The following FBXO11 variants were observed in gnomAD, a reference collection of about 807,000 sequenced individuals.
FBXO11 encodes the protein F-box protein 11.
A neutral mutation model predicts 117.0 loss-of-function variants in FBXO11; 13 were observed. The observed-to-expected ratio is 0.11, with a 90% confidence interval of 0.07 to 0.18. The LOEUF (loss-of-function observed/expected upper bound fraction) is 0.18. Among genes scored for constraint, FBXO11 ranks in the 10% least tolerant of loss-of-function variants. FBXO11 has a pLI of 1.00. For synonymous variants in FBXO11, 490 were observed against 380.5 expected, an observed-to-expected ratio of 1.29 and a Z score of -3.35; for missense variants, 767 against 1,164.4, an observed-to-expected ratio of 0.66 and a Z score of 4.97.
chr2:47,839,899 C>G, intron 1 of FBXO11, 130 bp from the exon 2 acceptor site: 1 of 703,652 alleles, frequency 1.4e-6, no homozygotes, highest in East Asian at 2.8e-5. Context: ...TTCCAACCAA[C>G]TGGATAGCTA....
At chr2:47,847,835 C>G (rs1673537305) in intron 1 of FBXO11, among the ~76,000 whole-genome samples, 1 of 151,768 alleles carries the variant, frequency 6.6e-6, no homozygotes, top group Non-Finnish European at 1.5e-5. Context: ...TATAAAAACA[C>G]ACACATATGG....
In FBXO11 at chr2:47,904,924, G is replaced by C. The variant is rs576921932; in HGVS notation, c.232+565C>G. On this transcript the variant is annotated intron_variant, in intron 1 of 22. Transcript: ENST00000403359. Reference sequence around the variant, plus strand: ...GCTGCTCCCCCTACCCCGTGACCAGGGACGGGGGGGCGGGGGAAACAAGTT... The same window carrying C: ...GCTGCTCCCCCTACCCCGTGACCAGCGACGGGGGGGCGGGGGAAACAAGTT... Among the ~76,000 whole-genome samples the C allele has an allele frequency of 4.0e-3, 602 of 152,150 alleles. 2 individuals carry two copies. The highest frequency in any genetic ancestry group is 0.014 in the Middle Eastern group (4 of 294).
intron 11 of FBXO11, among the ~76,000 whole-genome samples, chr2:47,827,258 C>G (rs898673161): frequency 6.6e-6 from 1 of 152,120 alleles, no homozygotes; most frequent in South Asian, 2.1e-4. Flanking sequence ...TGCAAGAAAA[C>G]TTATTTTTAT....
At chr2:47,900,698 ACACACGTG>A (rs1678123754) in intron 1 of FBXO11, among the ~76,000 whole-genome samples, 1 of 107,700 alleles carries the variant, frequency 9.3e-6, no homozygotes, top group Non-Finnish European at 2.1e-5. Context: ...ACACGTATAC[ACACACGTG>A]TATATATATA....
rs530856859 is a variant in FBXO11, at chr2:47,843,072, G to A, written c.233-3303C>T. On this transcript the variant is annotated intron_variant, in intron 1 of 22. Coordinates refer to ENST00000403359, the MANE Select transcript of FBXO11 (RefSeq NM_001190274.2). ...AAAGTGATGAGATTATTATAGCTGT[G>A]AGTCAATGTGCCCAGCTTGTAAATT... Among the ~76,000 whole-genome samples, 6 of 152,268 alleles carry A rather than the reference G, an allele frequency of 3.9e-5. No individual in the cohort carries two copies. The South Asian group carries it at 8.3e-4, about 21-fold the overall frequency.
At chr2:47,898,158 T>C (rs531406212) in intron 1 of FBXO11, among the ~76,000 whole-genome samples, 1 of 152,352 alleles carries the variant, frequency 6.6e-6, no homozygotes, top group East Asian at 1.9e-4. Flanking sequence ...CATGCTATCT[T>C]ATTCGGGGTG....
chr2:47,818,907 T>A, intron 15 of FBXO11, 43 bp from the exon 16 acceptor site: 1 of 1,581,796 alleles, frequency 6.3e-7, no homozygotes, highest in Non-Finnish European at 8.5e-7. Context: ...AAGGGACAAG[T>A]ATTTACAAAA....
chr2:47,843,151 T>C (rs181534794), intron 1 of FBXO11, among the ~76,000 whole-genome samples: 73 of 152,314 alleles, frequency 4.8e-4, no homozygotes, highest in Non-Finnish European at 9.1e-4. Flanking sequence ...GCCTAGGCAT[T>C]TGTGGAACTC....
chr2:47,881,702 G>C (rs560551987), intron 1 of FBXO11, among the ~76,000 whole-genome samples: 42 of 151,970 alleles, frequency 2.8e-4, no homozygotes, highest in Admixed American at 9.2e-4. Context: ...TATATCATCA[G>C]GGTATACAAT....
chr2:47,831,722 G>C (rs893688840), intron 11 of FBXO11, among the ~76,000 whole-genome samples: 1 of 152,042 alleles, frequency 6.6e-6, no homozygotes, highest in East Asian at 1.9e-4. Context: ...AGCTCAAAAA[G>C]TCATGTCTCT....
At chr2:47,892,134 C>T (rs2881935) in intron 1 of FBXO11, among the ~76,000 whole-genome samples, 31,252 of 152,092 alleles carry the variant, frequency 0.21, 3,942 homozygotes, top group Middle Eastern at 0.3. Context: ...TCTCACTTGT[C>T]TATTTTTACT....
At chr2:47,809,418 A>G in intron 20 of FBXO11, 152 bp from the exon 21 acceptor site, 2 of 691,222 alleles carry the variant, frequency 2.9e-6, no homozygotes, top group South Asian at 2.1e-5. Context: ...TCAGCTAAGA[A>G]TAGAATTTTC....
intron 16 of FBXO11, among the ~76,000 whole-genome samples, chr2:47,815,349 G>A (rs1286926613): frequency 2.0e-5 from 3 of 152,218 alleles, no homozygotes; most frequent in African/African-American, 4.8e-5. Context: ...GGAGAAGGGA[G>A]AGAGTGACCT....
At chr2:47,888,241 C>T (rs577090773) in intron 1 of FBXO11, among the ~76,000 whole-genome samples, 12 of 152,066 alleles carry the variant, frequency 7.9e-5, no homozygotes, top group Non-Finnish European at 1.8e-4. Flanking sequence ...AATGATGATA[C>T]AATTTTGGAA....
At chr2:47,858,183 G>T (rs1049494765) in intron 1 of FBXO11, among the ~76,000 whole-genome samples, 1 of 151,728 alleles carries the variant, frequency 6.6e-6, no homozygotes, top group Non-Finnish European at 1.5e-5. Context: ...TCAGTTCACT[G>T]CAACCTCTGT....
At chr2:47,830,648 G>C (rs1261456118) in intron 11 of FBXO11, among the ~76,000 whole-genome samples, 1 of 152,042 alleles carries the variant, frequency 6.6e-6, no homozygotes, top group Non-Finnish European at 1.5e-5. Context: ...TCTATCTATA[G>C]CATTGTCTAG....
rs1359997949 is a variant in FBXO11 at position 47,807,320 on chromosome 2, G to GAGTT, written c.*794_*797dup. ...GTAGTTTTTTACCTTTCACAAAACT[G>GAGTT]AGTTACAAGAATACTTTTGTTTTAC... On this transcript the variant is annotated 3_prime_UTR_variant, in exon 23 of 23. Coordinates refer to ENST00000403359, the MANE Select transcript of FBXO11 (RefSeq NM_001190274.2). 2.3e-5 allele frequency: 5 copies of GAGTT among 214,284 alleles called. No individual in the cohort carries two copies. The highest frequency in any genetic ancestry group is 7.1e-5 in the East Asian group (1 of 14,110). The allele number at this position is 214,284 out of a possible 1,614,324, so 13.3% of individuals were successfully genotyped here.
chr2:47,827,282 A>C (rs1671826569), intron 11 of FBXO11, among the ~76,000 whole-genome samples: 1 of 152,148 alleles, frequency 6.6e-6, no homozygotes, highest in Non-Finnish European at 1.5e-5. Flanking sequence ...GGATTCAGTT[A>C]ATGTAATTTT....
chr2:47,872,458 G>A (rs1265262555), intron 1 of FBXO11, among the ~76,000 whole-genome samples: 1 of 152,074 alleles, frequency 6.6e-6, no homozygotes, highest in Non-Finnish European at 1.5e-5. Context: ...CCAGCAGCTG[G>A]GACTACAGGA....
Sources: gnomAD v4.1 joint callset for allele counts (sites outside exome capture counted in the v4.1 genomes callset) on GRCh38, gnomAD v4.1.1 for gene constraint, MANE v1.5 for transcripts, NCBI Gene and HGNC (gene_info 2026-07-23, HGNC 2026-07-21) for gene names.